Variants in SASH1 observed in about 807,000 individuals in gnomAD.
SASH1 encodes SAM and SH3 domain containing 1, also known as SAM and SH3 domain-containing protein 1.
Under a neutral mutation model 125.2 loss-of-function variants are expected in SASH1, and 44 were observed. The observed-to-expected ratio is 0.35, with a 90% confidence interval of 0.28 to 0.45. SASH1 has a LOEUF of 0.45. SASH1 is among the 20% of genes least tolerant of loss of function. SASH1 has a pLI of 1.00. For missense variants in SASH1, 1,426 were observed against 1,614.5 expected, an observed-to-expected ratio of 0.88 and a Z score of 2.00; for synonymous variants, 639 against 649.1, an observed-to-expected ratio of 0.98 and a Z score of 0.24.
Position 148,544,866 on chromosome 6 carries a change from AAGTCAGGC to A in SASH1, c.3348+51_3348+58del. On this transcript the variant is annotated intron_variant, in intron 18 of 19. Transcript: ENST00000367467. This position sits in a 1 kb window ranked among gnomAD's most constrained non-coding sequence, Gnocchi z 6.4. ...CACGTTCACAGGCCTTTGTTTGTAG[AAGTCAGGC>A]AGCCAGGTGAGATGAACCCACATCT... 1 of 1,493,230 alleles carries A rather than the reference AAGTCAGGC, an allele frequency of 6.7e-7. No homozygotes were observed. The highest frequency in any genetic ancestry group is 2.3e-5 in the Admixed American group (1 of 43,628). The allele number at this position is 1,493,230 out of a possible 1,614,324, so 92.5% of individuals were successfully genotyped here. A position where few individuals can be genotyped will look rare whatever the true frequency, so the allele number is the denominator to read the frequency against.
intron 1 of SASH1, among the ~76,000 whole-genome samples, chr6:148,317,189 G>C (rs1334311423): frequency 6.6e-6 from 1 of 152,162 alleles, no homozygotes; most frequent in African/African-American, 2.4e-5. Context: ...CTGACCAAAG[G>C]CTAAATACTT....
At chr6:148,465,261 T>G (rs187228814) in intron 4 of SASH1, among the ~76,000 whole-genome samples, 4 of 152,090 alleles carry the variant, frequency 2.6e-5, no homozygotes, top group African/African-American at 9.7e-5. Flanking sequence ...TCAAGACTTC[T>G]CTAGTCCTGG....
chr6:148,407,756 C>T (rs1272356147), intron 2 of SASH1, among the ~76,000 whole-genome samples: 1 of 152,180 alleles, frequency 6.6e-6, no homozygotes, highest in Non-Finnish European at 1.5e-5. Context: ...TCTCAGCCTC[C>T]CGAGTAGCTG....
At chr6:148,439,991 A>T (rs1776476335) in intron 2 of SASH1, among the ~76,000 whole-genome samples, 193 bp from the exon 3 acceptor site, 2 of 152,160 alleles carry the variant, frequency 1.3e-5, no homozygotes, top group Non-Finnish European at 2.9e-5. Context: ...AAATATTTCA[A>T]TCTTAGGGGG....
At chr6:148,330,805 C>T (rs780790068) in intron 1 of SASH1, among the ~76,000 whole-genome samples, 4 of 152,102 alleles carry the variant, frequency 2.6e-5, no homozygotes, top group Non-Finnish European at 5.9e-5. Context: ...AGGCTGGTCT[C>T]GAACTCCTGA....
chr6:148,224,993 A>T, the SASH1 span, among the ~76,000 whole-genome samples: 1 of 152,196 alleles, frequency 6.6e-6, no homozygotes, highest in Non-Finnish European at 1.5e-5. Flanking sequence ...GTGGTTCCCA[A>T]GGACCGCTGG....
Position 148,533,322 on chromosome 6 carries a change from C to T in SASH1, c.1734+356C>T, listed in dbSNP as rs1781635829. ...GAAAGATTTCTGCCTTCTGTGTGCT[C>T]AGAGGTACCTTTATGGGACAGATGG... On this transcript the variant is annotated intron_variant, in intron 14 of 19. Coordinates refer to ENST00000367467, the MANE Select transcript of SASH1 (RefSeq NM_015278.5). This position sits in a 1 kb window ranked among gnomAD's most constrained non-coding sequence, Gnocchi z 6.2. Among the ~76,000 whole-genome samples the T allele has an allele frequency of 6.6e-6, 1 of 152,160 alleles. No individual in the cohort carries two copies. Among genetic ancestry groups the T allele is most frequent in the African/African-American group, 2.4e-5 (1 of 41,426 alleles).
At chr6:148,358,733 GTTTTTTTTT>G (rs10673654) in intron 1 of SASH1, among the ~76,000 whole-genome samples, 1 of 120,922 alleles carries the variant, frequency 8.3e-6, no homozygotes, top group Non-Finnish European at 1.7e-5. Context: ...CCATGTTTTT[GTTTTTTTTT>G]TTTTTTTTTT....
chr6:148,421,503 C>T (rs529955029), intron 2 of SASH1, among the ~76,000 whole-genome samples: 1 of 152,298 alleles, frequency 6.6e-6, no homozygotes, highest in Non-Finnish European at 1.5e-5. Context: ...ATGGTTTGAC[C>T]ATGTTGGCCA....
At chr6:148,256,765 A>G in the SASH1 span, among the ~76,000 whole-genome samples, 4 of 152,202 alleles carry the variant, frequency 2.6e-5, no homozygotes, top group African/African-American at 9.7e-5. Flanking sequence ...TGATTATGGT[A>G]TGACTATGCA....
At chr6:148,254,195 GAAA>G in the SASH1 span, among the ~76,000 whole-genome samples, 1 of 151,328 alleles carries the variant, frequency 6.6e-6, no homozygotes, top group Non-Finnish European at 1.5e-5. Context: ...CTACAAGCAT[GAAA>G]CTCTGTCTCA....
chr6:148,476,764 T>G (rs970802090), intron 7 of SASH1, among the ~76,000 whole-genome samples: 27 of 152,134 alleles, frequency 1.8e-4, no homozygotes, highest in Non-Finnish European at 5.9e-5. Flanking sequence ...AAAGCCACCC[T>G]GAGCAAAAAG....
chr6:148,487,805 T>C, intron 8 of SASH1, 90 bp downstream of exon 8: 1 of 907,884 alleles, frequency 1.1e-6, no homozygotes, highest in South Asian at 1.6e-5. Flanking sequence ...TTTTCGAAAC[T>C]TCCGACTCGC....
chr6:148,300,530 C>A (rs1157236560), intron 1 of SASH1, among the ~76,000 whole-genome samples: 1 of 149,348 alleles, frequency 6.7e-6, no homozygotes, highest in East Asian at 2.0e-4. Flanking sequence ...CTCACTGCAG[C>A]CTCTGCCTCC....
At chr6:148,423,770 C>T (rs1352283266) in intron 2 of SASH1, among the ~76,000 whole-genome samples, 1 of 152,070 alleles carries the variant, frequency 6.6e-6, no homozygotes. Context: ...TCAGGAAACA[C>T]TCGTTGAATA....
At chr6:148,531,230 T>C (rs907027609) in intron 12 of SASH1, among the ~76,000 whole-genome samples, 3 of 152,176 alleles carry the variant, frequency 2.0e-5, no homozygotes, top group Admixed American at 2.0e-4. Flanking sequence ...GCTGAGTCTC[T>C]AAACCTTTAA....
intron 1 of SASH1, among the ~76,000 whole-genome samples, chr6:148,317,067 C>A (rs904058614): frequency 6.6e-6 from 1 of 152,172 alleles, no homozygotes; most frequent in African/African-American, 2.4e-5. Flanking sequence ...AAATAGCCAA[C>A]AGCACAAAAC....
At chr6:148,194,369 A>G in the SASH1 span, among the ~76,000 whole-genome samples, 1 of 152,220 alleles carries the variant, frequency 6.6e-6, no homozygotes, top group East Asian at 1.9e-4. Context: ...GTCTCATAGC[A>G]TAAAATTTCA....
the SASH1 span, among the ~76,000 whole-genome samples, chr6:148,242,843 A>T: frequency 1.1e-4 from 17 of 152,184 alleles, no homozygotes; most frequent in East Asian, 1.2e-3. Flanking sequence ...AAAAAGGGAA[A>T]ATCATTTCTT....
Sources: allele counts gnomAD v4.1 joint callset (sites outside exome capture counted in the v4.1 genomes callset), GRCh38; gene constraint gnomAD v4.1.1; non-coding constraint Gnocchi (gnomAD v3.1); transcripts MANE v1.5; gene names NCBI Gene and HGNC (gene_info 2026-07-23, HGNC 2026-07-21).